The following FAM98B variants were observed in gnomAD, a reference collection of about 807,000 sequenced individuals.
The protein encoded by FAM98B is tRNA splicing ligase complex subunit 3B.
FAM98B carries 32 observed loss-of-function variants against 43.9 expected under a neutral mutation model. The observed-to-expected ratio is 0.73, with a 90% CI of 0.55 to 0.98. The LOEUF is 0.98. Ranked by LOEUF, FAM98B falls within the 50% of genes least tolerant of loss-of-function variation. The probability of loss-of-function intolerance (pLI) is 0.00; values close to 1 mark genes in which losing one functional copy is unlikely to be tolerated. For missense variants in FAM98B, 514 were observed against 522.9 expected (o/e 0.98, Z 0.17); for synonymous variants, 190 against 174.0 (o/e 1.09, Z -0.72).
rs193163856 is a variant in FAM98B at position 38,484,897 on chromosome 15, A to T, written c.*238A>T. ...CCCTTGAGCATGTTGTGTCTTTTTA[A>T]AAAACAAAAAAAAGAACAAAAATTA... On this transcript the variant is annotated 3_prime_UTR_variant, in exon 8 of 8. Coordinates refer to ENST00000397609, the MANE Select transcript of FAM98B (RefSeq NM_173611.4). The T allele has an allele frequency of 2.0e-4, 95 of 482,564 alleles. No homozygotes were observed. The highest frequency in any genetic ancestry group is 1.8e-3 in the African/African-American group (90 of 49,126). 29.9% of individuals were successfully genotyped at this position (482,564 alleles called of 1,614,324 possible). A position where few individuals can be genotyped will look rare whatever the true frequency, so the allele number is the denominator to read the frequency against.
chr15:38,456,694 G>C (rs1406555454), intron 1 of FAM98B, among the ~76,000 whole-genome samples: 1 of 152,204 alleles, frequency 6.6e-6, no homozygotes, highest in Non-Finnish European at 1.5e-5. Context: ...TGACATTTGA[G>C]TTGAAATAAG....
At chr15:38,472,765 G>A (rs1403941291) in intron 4 of FAM98B, among the ~76,000 whole-genome samples, 1 of 151,888 alleles carries the variant, frequency 6.6e-6, no homozygotes, top group Non-Finnish European at 1.5e-5. Flanking sequence ...AATCTGAACT[G>A]CCCTTGGTTG....
chr15:38,465,443 G>T, intron 3 of FAM98B, 40 bp downstream of exon 3: 3 of 1,501,538 alleles, frequency 2.0e-6, no homozygotes, highest in Non-Finnish European at 2.7e-6. Context: ...TGTTTGACAT[G>T]GTTTTTATTA....
rs565293829 is a variant in FAM98B, at chr15:38,461,082, T to C, written c.72-2950T>C. 2.6e-5 allele frequency among the ~76,000 whole-genome samples: 4 copies of C among 152,336 alleles called. No individual in the cohort carries two copies. In the South Asian group the frequency reaches 8.3e-4, roughly 32 times the overall value. ...TAAAGATTGGATTTTTTTTTCCAAA[T>C]TCAGAATTTTTTGTGATTTGATCAG... On this transcript the variant is annotated intron_variant, in intron 1 of 7. Coordinates refer to ENST00000397609, the MANE Select transcript of FAM98B (RefSeq NM_173611.4).
At chr15:38,481,666 C>A in intron 7 of FAM98B, 1 of 1,408,290 alleles carries the variant, frequency 7.1e-7, no homozygotes, top group East Asian at 2.4e-5. Context: ...AAAGTATTTT[C>A]TGAATTAGAG....
intron 3 of FAM98B, among the ~76,000 whole-genome samples, chr15:38,465,996 A>G (rs973274467): frequency 1.1e-4 from 16 of 152,050 alleles, no homozygotes; most frequent in African/African-American, 3.6e-4. Context: ...TCATTTTTTT[A>G]CTTTAGGCTA....
chr15:38,481,300 A>G lies in FAM98B; in HGVS notation c.738A>G (p.Thr246=). The G allele has an allele frequency of 1.9e-6, 3 of 1,613,222 alleles. No individual in the cohort carries two copies. The highest frequency in any genetic ancestry group is 2.5e-6 in the Non-Finnish European group (3 of 1,179,214). ...TAACTCTTGTCATTTAGGTAAAAAC[A>G]GATGATATAGCAAGAATTTATCAGC... The part of the protein sequence containing the change: ...FGWSDRAKVK[T]DDIARIYQPK... Residue 246 remains threonine (T), a synonymous_variant, in exon 7 of 8, where the codon ACA becomes ACG. Coordinates refer to ENST00000397609, the MANE Select transcript of FAM98B (RefSeq NM_173611.4).
rs1347175184 is a variant in FAM98B at position 38,454,161 on chromosome 15, C to T, written c.-1C>T. On this transcript the variant is annotated 5_prime_UTR_variant, in exon 1 of 8. Transcript: ENST00000397609. ...GCCGAACAGCTCTGGGCCAAAGGAC[C>T]ATGAGAGGGCCGGAGCCGGGTCCCC... The T allele has an allele frequency of 2.5e-6, 4 of 1,595,466 alleles. No individual in the cohort carries two copies. The highest frequency in any genetic ancestry group is 3.4e-6 in the Non-Finnish European group (4 of 1,172,596).
chr15:38,470,516 G>C, intron 4 of FAM98B, 111 bp downstream of exon 4: 1 of 1,003,502 alleles, frequency 1.0e-6, no homozygotes, highest in Non-Finnish European at 1.4e-6. Context: ...TTTATTTCAA[G>C]AGTTTATCTT....
intron 1 of FAM98B, among the ~76,000 whole-genome samples, chr15:38,455,105 C>G (rs1339333902): frequency 6.6e-6 from 1 of 152,196 alleles, no homozygotes; most frequent in Non-Finnish European, 1.5e-5. Context: ...CCCAAGTCAG[C>G]TCCTGGAAAA....
At chr15:38,455,653 AG>A (rs1479762457) in intron 1 of FAM98B, among the ~76,000 whole-genome samples, 1 of 152,220 alleles carries the variant, frequency 6.6e-6, no homozygotes, top group Non-Finnish European at 1.5e-5. Flanking sequence ...GAAAATACTT[AG>A]TAGAATTATT....
rs1444666148 is a variant in FAM98B at position 38,484,432 on chromosome 15, T to TG, written c.1082dup (p.Gly362TrpfsTer23). 2.3e-4 allele frequency: 44 copies of TG among 190,022 alleles called. No individual in the cohort carries two copies. The highest frequency in any genetic ancestry group is 1.2e-3 in the East Asian group (2 of 1,672). The allele number at this position is 190,022 out of a possible 1,614,324, so 11.8% of individuals were successfully genotyped here. A position where few individuals can be genotyped will look rare whatever the true frequency, so the allele number is the denominator to read the frequency against. ...TGGGGGTGGGGGTGGGAGAGGTGGCTGGGGGGGTGGAGGAGGAGGTTGGGG... is the reference window on the plus strand; with the variant it reads ...TGGGGGTGGGGGTGGGAGAGGTGGCTGGGGGGGGTGGAGGAGGAGGTTGGGG... On this transcript the variant is annotated frameshift_variant, in exon 8 of 8. Coordinates refer to ENST00000397609, the MANE Select transcript of FAM98B (RefSeq NM_173611.4). LOFTEE classifies it low-confidence loss of function (END_TRUNC).
In FAM98B at chr15:38,484,403, G is replaced by T. The variant is rs1368267817; in HGVS notation, c.1046G>T (p.Gly349Val). Residue 349 changes from glycine to valine, a missense_variant, in exon 8 of 8, where the codon GGT becomes GTT. This residue lies in a region of FAM98B where 469 missense variants were observed against 451.8 expected (regional missense o/e 1.04). Coordinates refer to ENST00000397609, the MANE Select transcript of FAM98B (RefSeq NM_173611.4). ...GGTGGTGGAGGTGGTGGTAGAGGAG[G>T]TGGTGGGGGTGGGGGTGGGAGAGGT... ...GGGGGGGGRG[G>V]GGGGGGRGGW... is the part of the protein sequence containing the mutation. 1.7e-6 allele frequency: 2 copies of T among 1,193,728 alleles called. No individual in the cohort carries two copies. The highest frequency in any genetic ancestry group is 2.1e-6 in the Non-Finnish European group (2 of 953,524). The allele number at this position is 1,193,728 out of a possible 1,614,324, so 73.9% of individuals were successfully genotyped here. A position where few individuals can be genotyped will look rare whatever the true frequency, so the allele number is the denominator to read the frequency against.
chr15:38,486,603 A>C lies in FAM98B; in HGVS notation c.*1944A>C, dbSNP rs1890376494. The stretch of plus-strand genomic sequence containing the variant: ...GAGTGCTGCTTGGGTTATTCACTAC[A>C]ATCACTTATTTCCTATCAAAGTTTA... On this transcript the variant is annotated 3_prime_UTR_variant, in exon 8 of 8. Coordinates refer to ENST00000397609, the MANE Select transcript of FAM98B (RefSeq NM_173611.4). 6.6e-6 allele frequency: 1 copy of C among 152,132 alleles called. No homozygotes were observed. Among genetic ancestry groups the C allele is most frequent in the Admixed American group, 6.6e-5 (1 of 15,262 alleles). The allele number at this position is 152,132 out of a possible 1,614,324, so 9.4% of individuals were successfully genotyped here.
rs1387951887 is a variant in FAM98B, at chr15:38,484,761, G to GT, written c.*104dup. 2.0e-5 allele frequency: 29 copies of GT among 1,449,282 alleles called. No homozygotes were observed. The highest frequency in any genetic ancestry group is 4.9e-4 in the Middle Eastern group (2 of 4,084). The allele number at this position is 1,449,282 out of a possible 1,614,324, so 89.8% of individuals were successfully genotyped here. A position where few individuals can be genotyped will look rare whatever the true frequency, so the allele number is the denominator to read the frequency against. The stretch of plus-strand genomic sequence containing the variant: ...ATATCATCTTTGAAGTAAACACCAT[G>GT]TTAGACTCCCTGGTGATACCACTCT... On this transcript the variant is annotated 3_prime_UTR_variant, in exon 8 of 8. Coordinates refer to ENST00000397609, the MANE Select transcript of FAM98B (RefSeq NM_173611.4).
At chr15:38,481,248 A>G in intron 6 of FAM98B, 44 bp from the exon 7 acceptor site, 1 of 1,508,856 alleles carries the variant, frequency 6.6e-7, no homozygotes, top group Non-Finnish European at 9.2e-7. Flanking sequence ...CTCTTTCATT[A>G]AAATGTACTT....
chr15:38,473,780 A>G (rs1262512276), intron 5 of FAM98B, among the ~76,000 whole-genome samples, 195 bp downstream of exon 5: 1 of 152,190 alleles, frequency 6.6e-6, no homozygotes, highest in African/African-American at 2.4e-5. Context: ...TACCTGGCTG[A>G]GGATATTGAT....
chr15:38,481,788 G>T, intron 7 of FAM98B: 1 of 587,898 alleles, frequency 1.7e-6, no homozygotes, highest in Non-Finnish European at 2.8e-6. Context: ...AGTACTGACA[G>T]ATTCGTTATA....
chr15:38,473,071 A>G (rs1044618688), intron 4 of FAM98B, among the ~76,000 whole-genome samples: 5 of 152,152 alleles, frequency 3.3e-5, no homozygotes, highest in Non-Finnish European at 5.9e-5. Context: ...TTGCTGAACA[A>G]TGAAACAAGA....
Sources: allele counts gnomAD v4.1 joint callset (sites outside exome capture counted in the v4.1 genomes callset), GRCh38; gene constraint gnomAD v4.1.1; regional missense constraint gnomAD v4.1.1; transcripts MANE v1.5; gene names NCBI Gene and HGNC (gene_info 2026-07-23, HGNC 2026-07-21).